The following DDX10 variants were observed in gnomAD, a reference collection of about 807,000 sequenced individuals.
The protein encoded by DDX10 is DEAD-box helicase 10, also known as probable ATP-dependent RNA helicase DDX10.
DDX10 carries 74 observed loss-of-function variants against 104.3 expected under a neutral mutation model. The observed-to-expected ratio is 0.71, with a 90% CI of 0.59 to 0.86. DDX10 has a LOEUF of 0.86. Ranked by LOEUF, DDX10 falls within the 40% of genes least tolerant of loss-of-function variation. The pLI is 0.00. For missense variants in DDX10, 952 were observed against 1,040.0 expected (o/e 0.92, Z 1.16); for synonymous variants, 351 against 353.4 (o/e 0.99, Z 0.08).
intron 13 of DDX10, among the ~76,000 whole-genome samples, chr11:108,725,475 A>G (rs766419020): frequency 6.6e-6 from 1 of 152,092 alleles, no homozygotes; most frequent in Non-Finnish European, 1.5e-5. Context: ...GTGTCAGCAC[A>G]TGGTATTGTC....
intron 16 of DDX10, among the ~76,000 whole-genome samples, chr11:108,855,923 TATGTC>T (rs1249636797): frequency 1.3e-5 from 2 of 152,218 alleles, no homozygotes; most frequent in East Asian, 3.8e-4. Flanking sequence ...GTGGGGAAAA[TATGTC>T]ATACATTTTG....
At chr11:108,698,849 T>C (rs2094263488) in intron 9 of DDX10, among the ~76,000 whole-genome samples, 1 of 152,236 alleles carries the variant, frequency 6.6e-6, no homozygotes, top group South Asian at 2.1e-4. Context: ...CTATGCTCCG[T>C]ACTGGTCTTG....
At chr11:108,874,772 C>T (rs182178753) in intron 16 of DDX10, among the ~76,000 whole-genome samples, 1 of 152,060 alleles carries the variant, frequency 6.6e-6, no homozygotes, top group Non-Finnish European at 1.5e-5. Context: ...CTTGACATCT[C>T]AAAAGCTCAT....
At chr11:108,759,199 AAATTATTTTT>A (rs1212972144) in intron 13 of DDX10, among the ~76,000 whole-genome samples, 7 of 152,142 alleles carry the variant, frequency 4.6e-5, no homozygotes, top group Non-Finnish European at 1.0e-4. Context: ...GATGCTATTT[AAATTATTTTT>A]AATTATTTGA....
intron 13 of DDX10, among the ~76,000 whole-genome samples, chr11:108,789,276 A>G (rs942000264): frequency 4.6e-5 from 7 of 152,216 alleles, no homozygotes; most frequent in African/African-American, 1.7e-4. Flanking sequence ...ATGTTTAAGT[A>G]TAGAATTGAT....
intron 13 of DDX10, among the ~76,000 whole-genome samples, chr11:108,835,271 C>T (rs1348743967): frequency 6.6e-6 from 1 of 152,164 alleles, no homozygotes; most frequent in Non-Finnish European, 1.5e-5. Context: ...GAACAATAGT[C>T]ACACATCTTA....
chr11:108,873,564 AT>A (rs1408846581), intron 16 of DDX10, among the ~76,000 whole-genome samples: 1 of 152,134 alleles, frequency 6.6e-6, no homozygotes, highest in Non-Finnish European at 1.5e-5. Flanking sequence ...GAAACCTTTT[AT>A]CCTTCCGAGA....
Position 108,705,909 on chromosome 11 carries a change from T to G in DDX10, c.1224-830T>G, listed in dbSNP as rs566799285. On this transcript the variant is annotated intron_variant, in intron 9 of 17. Coordinates refer to ENST00000322536, the MANE Select transcript of DDX10 (RefSeq NM_004398.4). ...TGAAGATGCAGCAGGAAATAAGATT[T>G]TACTAGGTGAGGGAAGAGAAGTAAC... 3.3e-5 allele frequency among the ~76,000 whole-genome samples: 5 copies of G among 152,310 alleles called. No individual in the cohort carries two copies. In the East Asian group the frequency reaches 9.6e-4, roughly 29 times the overall value.
intron 1 of DDX10, among the ~76,000 whole-genome samples, chr11:108,666,389 A>G (rs987749332): frequency 1.3e-5 from 2 of 152,184 alleles, no homozygotes; most frequent in Non-Finnish European, 2.9e-5. Flanking sequence ...CTGAGGCAAG[A>G]GAATCGCTTG....
chr11:108,692,445 C>T (rs1045127729), intron 8 of DDX10, among the ~76,000 whole-genome samples: 19 of 150,652 alleles, frequency 1.3e-4, no homozygotes, highest in African/African-American at 4.4e-4. Context: ...CTACATTTAG[C>T]GTAGTTAAAT....
chr11:108,757,190 C>A (rs1300817451), intron 13 of DDX10, among the ~76,000 whole-genome samples: 1 of 152,034 alleles, frequency 6.6e-6, no homozygotes, highest in African/African-American at 2.4e-5. Context: ...TCCTTCACCT[C>A]TGTCTTCTTC....
At position 108,723,471 on chromosome 11, in the gene DDX10, A is replaced by G; in HGVS notation, c.1965+9A>G. On this transcript the variant is annotated intron_variant, in intron 13 of 17. Transcript: ENST00000322536. ...ACGAGAAAACATTACAGGTAAGTTTACTCCCAGTGGAGGGTCTTCTATTAC... is the reference window on the plus strand; with the variant it reads ...ACGAGAAAACATTACAGGTAAGTTTGCTCCCAGTGGAGGGTCTTCTATTAC... The G allele has an allele frequency of 6.2e-7, 1 of 1,603,728 alleles. No homozygotes were observed. The highest frequency in any genetic ancestry group is 8.5e-7 in the Non-Finnish European group (1 of 1,175,346).
intron 13 of DDX10, among the ~76,000 whole-genome samples, chr11:108,787,470 A>G (rs1861810930): frequency 6.6e-6 from 1 of 152,136 alleles, no homozygotes; most frequent in Non-Finnish European, 1.5e-5. Context: ...TTCTCTCTCA[A>G]GAATGCCAAT....
intron 9 of DDX10, among the ~76,000 whole-genome samples, chr11:108,699,018 A>T (rs1217066963): frequency 6.6e-6 from 1 of 152,142 alleles, no homozygotes; most frequent in Admixed American, 6.5e-5. Context: ...TCCTTTCTCC[A>T]AAGTCCTTTA....
chr11:108,753,126 T>A (rs1422671275), intron 13 of DDX10, among the ~76,000 whole-genome samples: 2 of 149,774 alleles, frequency 1.3e-5, no homozygotes, highest in African/African-American at 4.8e-5. Context: ...ATGCATAAAA[T>A]TTCTGCAAAC....
At chr11:108,840,624 G>A (rs1862624172) in intron 14 of DDX10, among the ~76,000 whole-genome samples, 1 of 152,118 alleles carries the variant, frequency 6.6e-6, no homozygotes, top group African/African-American at 2.4e-5. Context: ...AGGTCACCTT[G>A]TTCCTTACCC....
At chr11:108,924,523 T>G (rs1244239575) in intron 17 of DDX10, among the ~76,000 whole-genome samples, 4 of 152,206 alleles carry the variant, frequency 2.6e-5, no homozygotes, top group African/African-American at 9.6e-5. Flanking sequence ...ATCAAGGTTT[T>G]TGGTCTGCAT....
Position 108,873,709 on chromosome 11 carries a change from C to A in DDX10, c.2304+21500C>A, listed in dbSNP as rs142226117. Among the ~76,000 whole-genome samples the A allele has an allele frequency of 3.9e-5, 6 of 152,304 alleles. No homozygotes were observed. In the East Asian group the frequency reaches 1.2e-3, roughly 29 times the overall value. ...GATTGTCCAAGAAGGAGAATTCAGACTTAAGGCCCTCTGACATACATGTAC... is the reference window on the plus strand; with the variant it reads ...GATTGTCCAAGAAGGAGAATTCAGAATTAAGGCCCTCTGACATACATGTAC... On this transcript the variant is annotated intron_variant, in intron 16 of 17. Coordinates refer to ENST00000322536, the MANE Select transcript of DDX10 (RefSeq NM_004398.4).
At chr11:108,749,585 G>C (rs1325043042) in intron 13 of DDX10, among the ~76,000 whole-genome samples, 1 of 152,150 alleles carries the variant, frequency 6.6e-6, no homozygotes, top group East Asian at 1.9e-4. Flanking sequence ...TGTCATTGCT[G>C]TGAGTTTTTC....
Sources: allele counts gnomAD v4.1 joint callset (sites outside exome capture counted in the v4.1 genomes callset), GRCh38; gene constraint gnomAD v4.1.1; transcripts MANE v1.5; gene names NCBI Gene and HGNC (gene_info 2026-07-23, HGNC 2026-07-21).